Variants in CLTC observed in about 807,000 individuals in gnomAD.
CLTC encodes the protein clathrin heavy chain 1.
Under a neutral mutation model 195.8 loss-of-function variants are expected in CLTC, and 16 were observed. That is an observed-to-expected ratio of 0.08 (90% CI 0.06 to 0.12). The LOEUF (loss-of-function observed/expected upper bound fraction) is 0.12, where lower values mean the gene tolerates loss of function less well. Among genes scored for constraint, CLTC ranks in the 10% least tolerant of loss-of-function variants. The pLI is 1.00. For missense variants in CLTC, 796 were observed against 2,027.0 expected (o/e 0.39, Z 11.66); for synonymous variants, 667 against 689.4 (o/e 0.97, Z 0.51).
chr17:59,649,118 T>C (rs1055315279), intron 4 of CLTC, among the ~76,000 whole-genome samples: 2 of 152,272 alleles, frequency 1.3e-5, no homozygotes, highest in Non-Finnish European at 2.9e-5. Flanking sequence ...TTGCAGGTAA[T>C]AGAAACAAGG....
chr17:59,640,541 C>T (rs941029461), intron 1 of CLTC, among the ~76,000 whole-genome samples: 1 of 151,782 alleles, frequency 6.6e-6, no homozygotes, highest in African/African-American at 2.4e-5. Context: ...GGACTACAGG[C>T]GTGTGCCACC....
chr17:59,624,185 C>T (rs912798475), intron 1 of CLTC, among the ~76,000 whole-genome samples: 1 of 152,092 alleles, frequency 6.6e-6, no homozygotes, highest in African/African-American at 2.4e-5. Context: ...AAAAGTGAGA[C>T]TCATAAAGTA....
At chr17:59,693,690 C>CCCTGCCCCCTGCT in intron 31 of CLTC, 38 bp from the exon 32 acceptor site, 1 of 1,591,256 alleles carries the variant, frequency 6.3e-7, no homozygotes, top group South Asian at 1.1e-5. Context: ...GCCTCCTTGC[C>CCCTGCCCCCTGCT]CCTGCCCCCT....
intron 1 of CLTC, among the ~76,000 whole-genome samples, chr17:59,643,132 G>GGTGTGTGTGTGTGTGTGTGTGTGT (rs59380117): frequency 6.3e-5 from 9 of 142,312 alleles, no homozygotes; most frequent in African/African-American, 2.5e-4. Flanking sequence ...TCTTTTCTGG[G>GGTGTGTGTGTGTGTGTGTGTGTGT]GTGTGTGTGT....
intron 1 of CLTC, 79 bp downstream of exon 1, chr17:59,620,252 C>T: frequency 6.6e-7 from 1 of 1,509,344 alleles, no homozygotes. Flanking sequence ...TGGGCCCGAG[C>T]AGTATCGGAG....
chr17:59,679,534 T>C lies in CLTC; in HGVS notation c.2919+15T>C. 1.3e-6 allele frequency: 2 copies of C among 1,571,124 alleles called. No homozygotes were observed. Among genetic ancestry groups the C allele is most frequent in the Non-Finnish European group, 1.7e-6 (2 of 1,157,040 alleles). ...TAATTGACCAGGTAACATTGGCAAA[T>C]GTGTTTATGGCTGTCAGTAAAAATT... On this transcript the variant is annotated intron_variant, in intron 18 of 31. Coordinates refer to ENST00000269122, the MANE Select transcript of CLTC (RefSeq NM_004859.4).
intron 2 of CLTC, among the ~76,000 whole-genome samples, chr17:59,646,297 GCTT>G (rs1160169831): frequency 6.6e-6 from 1 of 152,040 alleles, no homozygotes; most frequent in African/African-American, 2.4e-5. Context: ...GAACCCCTTG[GCTT>G]CTTTTTATAA....
chr17:59,642,297 A>G (rs1160137061), intron 1 of CLTC, among the ~76,000 whole-genome samples: 2 of 152,156 alleles, frequency 1.3e-5, no homozygotes, highest in Non-Finnish European at 2.9e-5. Context: ...TAATTTCACT[A>G]TTTGACTAAC....
intron 6 of CLTC, among the ~76,000 whole-genome samples, chr17:59,657,254 CT>C (rs2032493316): frequency 6.6e-6 from 1 of 152,094 alleles, no homozygotes; most frequent in African/African-American, 2.4e-5. Flanking sequence ...TGGTTAGGTG[CT>C]TTTGCTCTGT....
chr17:59,668,979 C>A (rs1263709156), intron 14 of CLTC, 39 bp downstream of exon 14: 34 of 1,565,006 alleles, frequency 2.2e-5, no homozygotes, highest in Non-Finnish European at 2.9e-5. Flanking sequence ...GGTTGGATTC[C>A]AGGTTAGCAG....
At chr17:59,678,913 G>A (rs2143585310) in intron 17 of CLTC, among the ~76,000 whole-genome samples, 1 of 152,248 alleles carries the variant, frequency 6.6e-6, no homozygotes, top group Admixed American at 6.5e-5. Flanking sequence ...GAGGCAGGAG[G>A]ATCACTTGAG....
At position 59,693,967 on chromosome 17, in the gene CLTC, G is replaced by GAAATA; in HGVS notation, c.*117_*118insATAAA. 1.8e-6 allele frequency: 2 copies of GAAATA among 1,096,356 alleles called. No individual in the cohort carries two copies. The highest frequency in any genetic ancestry group is 2.5e-6 in the Non-Finnish European group (2 of 814,228). 67.9% of individuals were successfully genotyped at this position (1,096,356 alleles called of 1,614,324 possible). A position where few individuals can be genotyped will look rare whatever the true frequency, so the allele number is the denominator to read the frequency against. On this transcript the variant is annotated 3_prime_UTR_variant, in exon 32 of 32. Coordinates refer to ENST00000269122, the MANE Select transcript of CLTC (RefSeq NM_004859.4). The stretch of plus-strand genomic sequence containing the variant: ...CGTGTTCTTGTAACCTTTATTTCAT[G>GAAATA]AAGGACTTCTTTTTGTTTCTAACTA...
rs1165934122 is a variant in CLTC at position 59,694,250 on chromosome 17, TA to T, written c.*401del. On this transcript the variant is annotated 3_prime_UTR_variant, in exon 32 of 32. Transcript: ENST00000269122. Reference sequence around the variant, plus strand: ...AAACAGCTTACAAATACGTATTGTCTAAATGCATTTAAATCTGTTTTATTCA... The same window carrying T: ...AAACAGCTTACAAATACGTATTGTCTAATGCATTTAAATCTGTTTTATTCA... The T allele has an allele frequency of 4.6e-6, 1 of 218,766 alleles. No individual in the cohort carries two copies. The highest frequency in any genetic ancestry group is 2.2e-5 in the African/African-American group (1 of 44,508). 13.6% of individuals were successfully genotyped at this position (218,766 alleles called of 1,614,324 possible).
At chr17:59,674,904 A>G (rs2032931445) in intron 16 of CLTC, 61 bp downstream of exon 16, 6 of 1,487,556 alleles carry the variant, frequency 4.0e-6, no homozygotes, top group African/African-American at 1.4e-5. Context: ...AGATAAAAAT[A>G]TAGGTAGTCA....
chr17:59,659,138 ACCC>A (rs1567952692), intron 6 of CLTC, among the ~76,000 whole-genome samples: 1 of 152,090 alleles, frequency 6.6e-6, no homozygotes. Flanking sequence ...ACAAAGACAA[ACCC>A]CCTTTCCTCA....
intron 14 of CLTC, among the ~76,000 whole-genome samples, chr17:59,670,217 T>TAA (rs1456889639): frequency 6.6e-6 from 1 of 151,228 alleles, no homozygotes; most frequent in African/African-American, 2.4e-5. Context: ...CTATTTCCTT[T>TAA]AAAAAAAACA....
At chr17:59,664,055 C>G in intron 9 of CLTC, 61 bp downstream of exon 9, 1 of 1,382,334 alleles carries the variant, frequency 7.2e-7, no homozygotes. Flanking sequence ...GAGAAATTAG[C>G]CTGTATTAAC....
At chr17:59,644,643 C>G (rs1435949552) in intron 2 of CLTC, 160 bp downstream of exon 2, 3 of 620,556 alleles carry the variant, frequency 4.8e-6, no homozygotes, top group Admixed American at 5.8e-5. Flanking sequence ...CTCCACCCCC[C>G]AGGTTCAAGC....
rs2033405590 is a variant in CLTC at position 59,695,749 on chromosome 17, T to G, written c.*1897T>G. The G allele has an allele frequency of 5.2e-6, 1 of 193,332 alleles. No homozygotes were observed. The highest frequency in any genetic ancestry group is 1.1e-5 in the Non-Finnish European group (1 of 92,752). 12.0% of individuals were successfully genotyped at this position (193,332 alleles called of 1,614,324 possible). A position where few individuals can be genotyped will look rare whatever the true frequency, so the allele number is the denominator to read the frequency against. On this transcript the variant is annotated 3_prime_UTR_variant, in exon 32 of 32. Coordinates refer to ENST00000269122, the MANE Select transcript of CLTC (RefSeq NM_004859.4). Reference sequence around the variant, plus strand: ...GAGTGCAGGTCAGTGAAGAATACAATGGTGCCCCTGCTTTGATTTGTGGGA... The same window carrying G: ...GAGTGCAGGTCAGTGAAGAATACAAGGGTGCCCCTGCTTTGATTTGTGGGA...
Sources: allele counts gnomAD v4.1 joint callset (sites outside exome capture counted in the v4.1 genomes callset), GRCh38; gene constraint gnomAD v4.1.1; transcripts MANE v1.5; gene names NCBI Gene and HGNC (gene_info 2026-07-23, HGNC 2026-07-21).